CEP43: variants seen among roughly 807,000 people sequenced by gnomAD.
CEP43 encodes centrosomal protein 43.
A neutral mutation model predicts 52.6 loss-of-function variants in CEP43; 36 were observed. That is an observed-to-expected ratio of 0.68 (90% CI 0.52 to 0.90). The LOEUF (loss-of-function observed/expected upper bound fraction) is 0.90. Among genes scored for constraint, CEP43 ranks in the 40% least tolerant of loss-of-function variants. The pLI, the probability that CEP43 is intolerant of heterozygous loss-of-function variation, is 0.00. For synonymous variants in CEP43, 192 were observed against 172.4 expected, an observed-to-expected ratio of 1.11 and a Z score of -0.89; for missense variants, 506 against 472.8, an observed-to-expected ratio of 1.07 and a Z score of -0.65.
rs200190386 is a variant in CEP43 at position 167,032,599 on chromosome 6, T to C, written c.989-4T>C. ...TATAACATATCTTTTCTTAAACTTA[T>C]CAGGAACTGGAGAAGATGATGACTA... On this transcript the variant is annotated splice_polypyrimidine_tract_variant and splice_region_variant and intron_variant, in intron 10 of 12. Transcript: ENST00000366847. 7.6e-6 allele frequency: 12 copies of C among 1,572,486 alleles called. No individual in the cohort carries two copies. Among genetic ancestry groups the C allele is most frequent in the East Asian group, 4.5e-5 (2 of 44,378 alleles).
chr6:167,006,918 C>A (rs1334062733), intron 5 of CEP43, among the ~76,000 whole-genome samples: 1 of 152,202 alleles, frequency 6.6e-6, no homozygotes, highest in African/African-American at 2.4e-5. Context: ...GAAAAACTTA[C>A]TTTCTTCTCT....
intron 10 of CEP43, 115 bp downstream of exon 10, chr6:167,026,730 T>G: frequency 3.0e-6 from 2 of 670,456 alleles, no homozygotes; most frequent in Non-Finnish European, 5.4e-6. Flanking sequence ...CTGCTGCTCA[T>G]TCAGCAGGTG....
intron 1 of CEP43, 56 bp downstream of exon 1, chr6:166,999,570 C>T (rs1351733451): frequency 2.4e-6 from 3 of 1,249,758 alleles, no homozygotes; most frequent in Non-Finnish European, 3.2e-6. Context: ...GCGTGGACAG[C>T]GGGCGTCACA....
chr6:167,009,293 G>A (rs1463916544), intron 5 of CEP43, among the ~76,000 whole-genome samples: 2 of 150,652 alleles, frequency 1.3e-5, no homozygotes, highest in South Asian at 2.1e-4. Context: ...GGAGGCTGAG[G>A]CGGGCGGATC....
intron 7 of CEP43, among the ~76,000 whole-genome samples, chr6:167,014,893 G>A (rs1436162834): frequency 7.2e-5 from 11 of 152,172 alleles, no homozygotes; most frequent in Admixed American, 7.2e-4. Context: ...CTTCTTAATA[G>A]ATTTTAAAAA....
intron 5 of CEP43, among the ~76,000 whole-genome samples, chr6:167,006,292 G>A (rs1427874505): frequency 6.6e-6 from 1 of 152,142 alleles, no homozygotes; most frequent in Non-Finnish European, 1.5e-5. Flanking sequence ...CGAGGTGGGC[G>A]AATCATGAAG....
intron 7 of CEP43, among the ~76,000 whole-genome samples, chr6:167,014,738 AATG>A (rs1464765697): frequency 6.6e-6 from 1 of 152,206 alleles, no homozygotes. Context: ...GCTTTAAAAT[AATG>A]ATTTAGTAAG....
At chr6:167,035,562 C>CT (rs529504861) in intron 12 of CEP43, among the ~76,000 whole-genome samples, 1,579 of 149,932 alleles carry the variant, frequency 0.011, 15 homozygotes, top group Non-Finnish European at 0.018. Context: ...AGTTATTTAA[C>CT]TTTTTTTTGT....
intron 7 of CEP43, among the ~76,000 whole-genome samples, chr6:167,021,442 A>G (rs1345138521): frequency 6.6e-6 from 1 of 152,206 alleles, no homozygotes; most frequent in Non-Finnish European, 1.5e-5. Flanking sequence ...TTCAAGATTC[A>G]GTGAGATAAG....
At position 167,022,451 on chromosome 6, in the gene CEP43, T is replaced by C; in HGVS notation, c.622T>C (p.Leu208=). Residue 208 remains leucine (L), a synonymous_variant, in exon 8 of 13, where the codon TTG becomes CTG. Coordinates refer to ENST00000366847, the MANE Select transcript of CEP43 (RefSeq NM_007045.4). ...EANQSDTSVS[L]SEPKSKSSLH... ...CAATCAGAGTGATACAAGTGTCTCCTTGTCAGAACCCAAGAGCAAAAGCAG... is the reference window on the plus strand; with the variant it reads ...CAATCAGAGTGATACAAGTGTCTCCCTGTCAGAACCCAAGAGCAAAAGCAG... The C allele has an allele frequency of 6.2e-7, 1 of 1,614,146 alleles. No homozygotes were observed. Among genetic ancestry groups the C allele is most frequent in the Non-Finnish European group, 8.5e-7 (1 of 1,180,026 alleles).
At chr6:167,003,105 A>C in intron 2 of CEP43, 88 bp from the exon 3 acceptor site, 1 of 617,788 alleles carries the variant, frequency 1.6e-6, no homozygotes, top group East Asian at 3.1e-5. Flanking sequence ...GTAAAACCAT[A>C]ATTTTATCAA....
intron 7 of CEP43, among the ~76,000 whole-genome samples, chr6:167,019,857 A>G (rs1197728110): frequency 6.6e-6 from 1 of 152,104 alleles, no homozygotes; most frequent in Non-Finnish European, 1.5e-5. Context: ...TCTTGGGGAA[A>G]TCAGAATAAT....
intron 5 of CEP43, among the ~76,000 whole-genome samples, 167 bp downstream of exon 5, chr6:167,004,568 T>C (rs955257496): frequency 2.0e-5 from 3 of 152,162 alleles, no homozygotes; most frequent in African/African-American, 4.8e-5. Context: ...TTAATGAAAA[T>C]TAGGAATGTG....
chr6:167,040,458 G>A lies in CEP43; in HGVS notation c.*480G>A. The A allele has an allele frequency of 8.3e-7, 1 of 1,210,152 alleles. No individual in the cohort carries two copies. Among genetic ancestry groups the A allele is most frequent in the Non-Finnish European group, 1.0e-6 (1 of 968,370 alleles). 75.0% of individuals were successfully genotyped at this position (1,210,152 alleles called of 1,614,324 possible). A position where few individuals can be genotyped will look rare whatever the true frequency, so the allele number is the denominator to read the frequency against. ...GTTGGCAAAATGACTTGGTAAATTT[G>A]TAATGCTGAAGTATATTAGTATAAG... On this transcript the variant is annotated 3_prime_UTR_variant, in exon 13 of 13. Transcript: ENST00000366847.
At chr6:167,011,354 T>A (rs1284740897) in intron 6 of CEP43, among the ~76,000 whole-genome samples, 1 of 152,172 alleles carries the variant, frequency 6.6e-6, no homozygotes, top group African/African-American at 2.4e-5. Flanking sequence ...TGATACAATT[T>A]CTAAGAAAAT....
chr6:167,041,380 G>T lies in CEP43; in HGVS notation c.*1402G>T, dbSNP rs923521359. 10 of 1,060,540 alleles carry T rather than the reference G, an allele frequency of 9.4e-6. No individual in the cohort carries two copies. In the South Asian group the frequency reaches 1.8e-4, roughly 19 times the overall value. 65.7% of individuals were successfully genotyped at this position (1,060,540 alleles called of 1,614,324 possible). On this transcript the variant is annotated 3_prime_UTR_variant, in exon 13 of 13. Coordinates refer to ENST00000366847, the MANE Select transcript of CEP43 (RefSeq NM_007045.4). Reference sequence around the variant, plus strand: ...AGGAAGTAGGACATAAACTGGGCCGGTACAGCCTGGGAGCCCTGTGTATTT... The same window carrying T: ...AGGAAGTAGGACATAAACTGGGCCGTTACAGCCTGGGAGCCCTGTGTATTT...
chr6:167,009,062 C>T (rs576150794), intron 5 of CEP43, among the ~76,000 whole-genome samples: 31 of 151,868 alleles, frequency 2.0e-4, no homozygotes, highest in African/African-American at 7.2e-4. Flanking sequence ...TGAGACCAGC[C>T]TGGCCAACCT....
chr6:167,009,059 A>G (rs192266572), intron 5 of CEP43, among the ~76,000 whole-genome samples: 4 of 152,058 alleles, frequency 2.6e-5, no homozygotes, highest in Admixed American at 2.6e-4. Context: ...GTTTGAGACC[A>G]GCCTGGCCAA....
rs113499679 is a variant in CEP43, at chr6:167,040,351, C to T, written c.*373C>T. The T allele has an allele frequency of 7.2e-7, 1 of 1,397,462 alleles. No homozygotes were observed. Among genetic ancestry groups the T allele is most frequent in the African/African-American group, 1.4e-5 (1 of 69,304 alleles). 86.6% of individuals were successfully genotyped at this position (1,397,462 alleles called of 1,614,324 possible). A position where few individuals can be genotyped will look rare whatever the true frequency, so the allele number is the denominator to read the frequency against. ...GTGTGTGGCTGCTGGTACGTGTGAT[C>T]TTTGAAAACCTTGGCTTTAGCCCTC... On this transcript the variant is annotated 3_prime_UTR_variant, in exon 13 of 13. Transcript: ENST00000366847.
Sources: gnomAD v4.1 joint callset for allele counts (sites outside exome capture counted in the v4.1 genomes callset) on GRCh38, gnomAD v4.1.1 for gene constraint, MANE v1.5 for transcripts, NCBI Gene and HGNC (gene_info 2026-07-23, HGNC 2026-07-21) for gene names.